The following ARB2A variants were observed in gnomAD, a reference collection of about 807,000 sequenced individuals.
The protein encoded by ARB2A is cotranscriptional regulator ARB2A.
At chr5:94,021,284 T>C in the ARB2A span, among the ~76,000 whole-genome samples, 1 of 152,296 alleles carries the variant, frequency 6.6e-6, no homozygotes, top group South Asian at 2.1e-4. Flanking sequence ...TAGCCTCCCT[T>C]AACTTATGAC....
At chr5:93,796,241 T>A in the ARB2A span, among the ~76,000 whole-genome samples, 1 of 152,190 alleles carries the variant, frequency 6.6e-6, no homozygotes, top group Non-Finnish European at 1.5e-5. Context: ...TCTTTTCCAA[T>A]CTTAGTTGTT....
the ARB2A span, among the ~76,000 whole-genome samples, chr5:93,675,236 A>G: frequency 6.6e-6 from 1 of 152,214 alleles, no homozygotes; most frequent in Non-Finnish European, 1.5e-5. Context: ...GCTAGGTTAC[A>G]GTTGTTCACG....
chr5:94,024,633 T>C, the ARB2A span, among the ~76,000 whole-genome samples: 1 of 152,208 alleles, frequency 6.6e-6, no homozygotes, highest in South Asian at 2.1e-4. Flanking sequence ...TAATGTGTTA[T>C]ACATGCTACA....
the ARB2A span, among the ~76,000 whole-genome samples, chr5:94,021,103 C>T: frequency 6.6e-6 from 1 of 151,516 alleles, no homozygotes; most frequent in East Asian, 1.9e-4. Context: ...ACTGCCTCCA[C>T]GACTAAAAAA....
At chr5:93,681,659 T>C in the ARB2A span, among the ~76,000 whole-genome samples, 3 of 152,196 alleles carry the variant, frequency 2.0e-5, no homozygotes, top group African/African-American at 7.2e-5. Flanking sequence ...GCTATTTTTC[T>C]TTTAAGTATA....
chr5:93,778,598 A>T, the ARB2A span, among the ~76,000 whole-genome samples: 1 of 152,134 alleles, frequency 6.6e-6, no homozygotes, highest in African/African-American at 2.4e-5. Flanking sequence ...AGCAATTAGC[A>T]CTACCGACAG....
At chr5:93,698,240 T>C in the ARB2A span, among the ~76,000 whole-genome samples, 4 of 152,188 alleles carry the variant, frequency 2.6e-5, no homozygotes, top group African/African-American at 7.2e-5. Flanking sequence ...GCATTCCCAA[T>C]GCATTACATT....
the ARB2A span, among the ~76,000 whole-genome samples, chr5:94,092,278 C>A: frequency 2.6e-5 from 4 of 151,996 alleles, no homozygotes; most frequent in South Asian, 8.3e-4. Flanking sequence ...CCTGAGAGGT[C>A]AAGGCTACGG....
At chr5:93,619,682 T>A in the ARB2A span, 1 of 152,368 alleles carries the variant, frequency 6.6e-6, no homozygotes, top group South Asian at 2.1e-4. Flanking sequence ...TAAAATATAA[T>A]GTGAAATTTT....
At chr5:93,695,101 G>A in the ARB2A span, among the ~76,000 whole-genome samples, 5 of 152,080 alleles carry the variant, frequency 3.3e-5, no homozygotes, top group East Asian at 1.9e-4. Context: ...AGAAAACCTA[G>A]GCAATACCAT....
At chr5:93,883,245 A>G in the ARB2A span, among the ~76,000 whole-genome samples, 1 of 151,534 alleles carries the variant, frequency 6.6e-6, no homozygotes, top group Non-Finnish European at 1.5e-5. Context: ...CATCTTACAT[A>G]TATGGAAACT....
chr5:93,895,894 T>G, the ARB2A span, among the ~76,000 whole-genome samples: 1 of 151,966 alleles, frequency 6.6e-6, no homozygotes, highest in Non-Finnish European at 1.5e-5. Context: ...GACATAGTTT[T>G]TATTTTAAAA....
chr5:93,796,246 G>C, the ARB2A span, among the ~76,000 whole-genome samples: 1 of 152,110 alleles, frequency 6.6e-6, no homozygotes, highest in East Asian at 1.9e-4. Context: ...TCCAATCTTA[G>C]TTGTTTTATG....
the ARB2A span, among the ~76,000 whole-genome samples, chr5:93,746,440 A>C: frequency 2.0e-5 from 3 of 152,224 alleles, no homozygotes; most frequent in Non-Finnish European, 4.4e-5. Flanking sequence ...AAATGCTATA[A>C]TGTAGTAGTG....
the ARB2A span, chr5:93,743,141 A>G: frequency 3.9e-5 from 6 of 152,176 alleles, no homozygotes; most frequent in Admixed American, 6.5e-5. Flanking sequence ...CCAACACTAC[A>G]GGTTGGGTTG....
the ARB2A span, among the ~76,000 whole-genome samples, chr5:94,045,415 A>G: frequency 8.5e-5 from 13 of 152,258 alleles, no homozygotes; most frequent in Non-Finnish European, 1.6e-4. Context: ...TTCCTACAAC[A>G]TAAGTGTTAA....
At chr5:93,995,032 T>G in the ARB2A span, among the ~76,000 whole-genome samples, 125 of 152,254 alleles carry the variant, frequency 8.2e-4, no homozygotes, top group African/African-American at 2.8e-3. Context: ...TATAGAAAGT[T>G]AAAATTATCA....
the ARB2A span, among the ~76,000 whole-genome samples, chr5:93,688,931 C>T: frequency 3.9e-5 from 6 of 152,284 alleles, no homozygotes; most frequent in South Asian, 2.1e-4. Context: ...TGCTTTTAGT[C>T]CTGTAACTCT....
chr5:93,802,702 G>A, the ARB2A span, among the ~76,000 whole-genome samples: 1 of 152,160 alleles, frequency 6.6e-6, no homozygotes, highest in East Asian at 1.9e-4. Flanking sequence ...AAATGCAATA[G>A]TTTAGCAGGC....
Sources: gnomAD v4.1 joint callset for allele counts (sites outside exome capture counted in the v4.1 genomes callset) on GRCh38, gnomAD v4.1.1 for gene constraint, MANE v1.5 for transcripts, NCBI Gene and HGNC (gene_info 2026-07-23, HGNC 2026-07-21) for gene names.